Variants in SLC22A2 observed in about 807,000 individuals in gnomAD.
SLC22A2 encodes organic cation transporter 2.
Under a neutral mutation model 60.5 loss-of-function variants are expected in SLC22A2, and 46 were observed. That is an observed-to-expected ratio of 0.76 (90% CI 0.60 to 0.97). The LOEUF (loss-of-function observed/expected upper bound fraction) is 0.97. Ranked by LOEUF, SLC22A2 falls within the 50% of genes least tolerant of loss-of-function variation. The pLI is 0.00. For synonymous variants in SLC22A2, 303 were observed against 267.0 expected, an observed-to-expected ratio of 1.13 and a Z score of -1.31; for missense variants, 701 against 706.6, an observed-to-expected ratio of 0.99 and a Z score of 0.09.
At position 160,242,347 on chromosome 6, in the gene SLC22A2, C is replaced by T. The variant is rs1211022477; in HGVS notation, c.1335G>A (p.Met445Ile). 2 of 1,610,950 alleles carry T rather than the reference C, an allele frequency of 1.2e-6. No homozygotes were observed. The highest frequency in any genetic ancestry group is 1.7e-6 in the Non-Finnish European group (2 of 1,177,302). Residue 445 changes from methionine to isoleucine, a missense_variant, in exon 8 of 11, where the codon ATG becomes ATA. By Grantham distance (10) the Met-to-Ile change is conservative. Transcript: ENST00000366953. Reference protein sequence around the residue: ...ISCLGRMGITMAYEIVCLVNA... With the variant: ...ISCLGRMGITIAYEIVCLVNA... ...TGACCAGGCAGACTATCTCATAGGC[C>T]ATTGTGATCCCCATTCTTCCCAAGC...
chr6:160,245,229 C>T (rs1422041401), intron 6 of SLC22A2: 5 of 331,056 alleles, frequency 1.5e-5, no homozygotes, highest in African/African-American at 6.4e-5. Flanking sequence ...GCCGAGGTTG[C>T]CATTGCCTTG....
At chr6:160,258,241 A>G in intron 1 of SLC22A2, 103 bp downstream of exon 1, 1 of 1,289,676 alleles carries the variant, frequency 7.8e-7, no homozygotes, top group Non-Finnish European at 1.1e-6. Context: ...GGCCAAAGAG[A>G]TGTCCAGGCA....
At chr6:160,222,758 G>A (rs1782662352) in intron 10 of SLC22A2, among the ~76,000 whole-genome samples, 1 of 152,190 alleles carries the variant, frequency 6.6e-6, no homozygotes, top group African/African-American at 2.4e-5. Context: ...GTGGCCTCCT[G>A]CAGAGGGCAT....
intron 9 of SLC22A2, among the ~76,000 whole-genome samples, chr6:160,226,824 A>G (rs910565340): frequency 6.6e-6 from 1 of 151,616 alleles, no homozygotes; most frequent in Non-Finnish European, 1.5e-5. Context: ...TTTCACCCCC[A>G]CCCCTTCCCA....
chr6:160,222,544 A>G (rs1022278631), intron 10 of SLC22A2, among the ~76,000 whole-genome samples: 11 of 152,206 alleles, frequency 7.2e-5, no homozygotes, highest in African/African-American at 2.7e-4. Flanking sequence ...TATGCCACGC[A>G]CTGTGCTGAG....
At chr6:160,248,283 T>C (rs1361197904) in intron 4 of SLC22A2, among the ~76,000 whole-genome samples, 3 of 152,200 alleles carry the variant, frequency 2.0e-5, no homozygotes, top group African/African-American at 7.2e-5. Context: ...ACAAGTGGGA[T>C]GTCTGCAAGT....
At chr6:160,245,366 C>T in intron 6 of SLC22A2, 73 bp downstream of exon 6, 1 of 837,156 alleles carries the variant, frequency 1.2e-6, no homozygotes. Context: ...GTCATGTTTT[C>T]TTCCCTTCCT....
chr6:160,223,040 G>A (rs1782668368), intron 10 of SLC22A2, among the ~76,000 whole-genome samples: 2 of 152,174 alleles, frequency 1.3e-5, no homozygotes, highest in Admixed American at 1.3e-4. Flanking sequence ...TCAGACCACT[G>A]TGATTTACCA....
chr6:160,243,807 A>T, intron 6 of SLC22A2, 21 bp from the exon 7 acceptor site: 1 of 1,585,468 alleles, frequency 6.3e-7, no homozygotes, highest in Non-Finnish European at 8.7e-7. Context: ...AGGAGAGTTC[A>T]GGTCAAGTCA....
chr6:160,246,282 T>A (rs776470581), intron 5 of SLC22A2, among the ~76,000 whole-genome samples: 24 of 152,176 alleles, frequency 1.6e-4, no homozygotes, highest in Admixed American at 2.6e-4. Flanking sequence ...ATTACAGGTG[T>A]GAGCCACTGC....
Position 160,237,361 on chromosome 6 carries a change from G to A in SLC22A2, c.1501+4113C>T, listed in dbSNP as rs112962215. 7.2e-5 allele frequency among the ~76,000 whole-genome samples: 11 copies of A among 152,146 alleles called. No individual in the cohort carries two copies. In the South Asian group the frequency reaches 1.0e-3, roughly 14 times the overall value. ...CTTTACTGTTGTGGAACATATTGCC[G>A]TTTTACTCTTTGTGTAGGAATACAC... is the stretch of plus-strand genomic sequence containing the variant. On this transcript the variant is annotated intron_variant, in intron 9 of 10. Transcript: ENST00000366953.
intron 9 of SLC22A2, among the ~76,000 whole-genome samples, chr6:160,232,633 C>A (rs1363087499): frequency 6.6e-6 from 1 of 151,728 alleles, no homozygotes; most frequent in Non-Finnish European, 1.5e-5. Context: ...TCATTCACTG[C>A]AAAGGCCATC....
At chr6:160,227,334 G>A (rs573876519) in intron 9 of SLC22A2, among the ~76,000 whole-genome samples, 30 of 152,220 alleles carry the variant, frequency 2.0e-4, no homozygotes, top group African/African-American at 4.1e-4. Flanking sequence ...TATTGATTCC[G>A]GACCTTCAGA....
At chr6:160,223,169 CTAAACATACTG>C (rs1036446673) in intron 10 of SLC22A2, among the ~76,000 whole-genome samples, 19 of 152,180 alleles carry the variant, frequency 1.2e-4, no homozygotes, top group Non-Finnish European at 2.6e-4. Flanking sequence ...ATAAAAATAT[CTAAACATACTG>C]TATAAACAAA....
At chr6:160,224,461 A>G (rs1390537598) in intron 10 of SLC22A2, among the ~76,000 whole-genome samples, 2 of 152,122 alleles carry the variant, frequency 1.3e-5, no homozygotes, top group South Asian at 2.1e-4. Flanking sequence ...CCTTTCTTCT[A>G]TGGATTCTGG....
intron 9 of SLC22A2, among the ~76,000 whole-genome samples, chr6:160,231,340 C>G (rs906963288): frequency 2.6e-5 from 4 of 151,752 alleles, no homozygotes. Flanking sequence ...TCTTCCCAAC[C>G]CAAAGCCTCC....
At chr6:160,220,595 G>C (rs2114848073) in intron 10 of SLC22A2, among the ~76,000 whole-genome samples, 1 of 152,228 alleles carries the variant, frequency 6.6e-6, no homozygotes, top group Admixed American at 6.5e-5. Context: ...ACCATCTACG[G>C]TAGCTATAGC....
At chr6:160,229,670 T>C (rs1782787473) in intron 9 of SLC22A2, among the ~76,000 whole-genome samples, 1 of 151,568 alleles carries the variant, frequency 6.6e-6, no homozygotes, top group Non-Finnish European at 1.5e-5. Flanking sequence ...TCTCTCTGTG[T>C]CTCTACTCTC....
At chr6:160,246,307 C>T (rs935416608) in intron 5 of SLC22A2, among the ~76,000 whole-genome samples, 3 of 152,102 alleles carry the variant, frequency 2.0e-5, no homozygotes, top group African/African-American at 4.8e-5. Flanking sequence ...GGCCTATTTT[C>T]GAATAAGCTT....
Sources: gnomAD v4.1 joint callset for allele counts (sites outside exome capture counted in the v4.1 genomes callset) on GRCh38, gnomAD v4.1.1 for gene constraint, MANE v1.5 for transcripts, NCBI Gene and HGNC (gene_info 2026-07-23, HGNC 2026-07-21) for gene names.